Variants in H2BC18 observed in about 807,000 individuals in gnomAD.
H2BC18 encodes the protein histone H2B type 2-F.
In H2BC18, 8 loss-of-function variants were observed where a neutral mutation model predicts 6.3. The ratio of observed to expected loss-of-function variants is 1.28; its 90% CI spans 0.75 to 2.31. The LOEUF is 2.31. Among genes scored for constraint, H2BC18 ranks in the 30% most tolerant of loss-of-function variants. H2BC18 has a pLI of 0.00. For synonymous variants in H2BC18, 104 were observed against 78.1 expected (o/e 1.33, Z -1.75); for missense variants, 106 against 174.5 (o/e 0.61, Z 2.21).
intron 1 of H2BC18, chr1:149,803,898 G>A (rs1396739513): frequency 6.6e-6 from 1 of 152,196 alleles, no homozygotes; most frequent in Non-Finnish European, 1.5e-5. Context: ...AAAAAACCTT[G>A]TTTTCTTGTG....
chr1:149,804,265 G>A (rs1188772234), intron 1 of H2BC18, among the ~76,000 whole-genome samples: 1 of 151,982 alleles, frequency 6.6e-6, no homozygotes, highest in Non-Finnish European at 1.5e-5. Flanking sequence ...AGTATTAAAA[G>A]CATCATCTGA....
intron 1 of H2BC18, among the ~76,000 whole-genome samples, chr1:149,797,171 C>T (rs1352841045): frequency 1.3e-5 from 2 of 152,200 alleles, no homozygotes; most frequent in Non-Finnish European, 2.9e-5. Flanking sequence ...CCTCGCCCTC[C>T]CAAAGTGCTG....
downstream of H2BC18, among the ~76,000 whole-genome samples, chr1:149,807,724 A>G (rs1290305229): frequency 6.6e-6 from 1 of 151,836 alleles, no homozygotes; most frequent in Non-Finnish European, 1.5e-5. Context: ...GAATCGCTTG[A>G]ACCCGAGAGG....
chr1:149,793,026 GC>G (rs2091751131), intron 1 of H2BC18: 2 of 1,263,828 alleles, frequency 1.6e-6, no homozygotes, highest in Non-Finnish European at 2.0e-6. Flanking sequence ...CCCGCCCCGG[GC>G]CCGCCAGCTC....
At chr1:149,808,548 T>G (rs1347645396), downstream of H2BC18, among the ~76,000 whole-genome samples, 1 of 152,192 alleles carries the variant, frequency 6.6e-6, no homozygotes, top group African/African-American at 2.4e-5. Context: ...TGGATTAACA[T>G]AAAAAATTAT....
intron 1 of H2BC18, among the ~76,000 whole-genome samples, chr1:149,795,299 T>TA (rs1358458621): frequency 1.4e-5 from 2 of 146,598 alleles, no homozygotes; most frequent in East Asian, 1.9e-4. Context: ...AATAAATAAA[T>TA]GATTATTACC....
At chr1:149,796,992 A>C (rs1229301715) in intron 1 of H2BC18, among the ~76,000 whole-genome samples, 1 of 152,204 alleles carries the variant, frequency 6.6e-6, no homozygotes, top group Admixed American at 6.5e-5. Context: ...AGCTAACTGC[A>C]ACCTCCATCT....
At chr1:149,809,644 G>T (rs1427280037), downstream of H2BC18, among the ~76,000 whole-genome samples, 18 of 144,308 alleles carry the variant, frequency 1.2e-4, no homozygotes, top group Admixed American at 1.1e-3. Context: ...GCAGAAGACA[G>T]ACAAGAAAAT....
At chr1:149,800,525 G>A (rs1202812027) in intron 1 of H2BC18, among the ~76,000 whole-genome samples, 20 of 141,734 alleles carry the variant, frequency 1.4e-4, no homozygotes, top group African/African-American at 4.1e-4. Context: ...TAAACAAAAC[G>A]ACATCACACT....
chr1:149,810,176 G>C (rs2091957940), downstream of H2BC18, among the ~76,000 whole-genome samples: 1 of 152,100 alleles, frequency 6.6e-6, no homozygotes, highest in Non-Finnish European at 1.5e-5. Flanking sequence ...TAAGCTAGGA[G>C]GAAATTGGAT....
intron 1 of H2BC18, among the ~76,000 whole-genome samples, chr1:149,799,659 T>A (rs1363805760): frequency 6.6e-6 from 1 of 152,196 alleles, no homozygotes; most frequent in Non-Finnish European, 1.5e-5. Context: ...TTTTCAATTC[T>A]CCCCTCCTCT....
chr1:149,807,940 T>G (rs1316174761), downstream of H2BC18, among the ~76,000 whole-genome samples: 1 of 152,214 alleles, frequency 6.6e-6, no homozygotes, highest in African/African-American at 2.4e-5. Context: ...GAGTATGATG[T>G]GCATAAATTG....
chr1:149,790,974 G>A (rs1219172834), intron 1 of H2BC18, among the ~76,000 whole-genome samples: 30 of 151,502 alleles, frequency 2.0e-4, no homozygotes, highest in African/African-American at 7.3e-4. Context: ...AAATGGCACA[G>A]AGATATCAGT....
downstream of H2BC18, among the ~76,000 whole-genome samples, chr1:149,809,109 C>T (rs1349887187): frequency 1.3e-4 from 17 of 132,726 alleles, no homozygotes; most frequent in Non-Finnish European, 2.4e-4. Context: ...CTGACCCAGG[C>T]CAAGCCCATT....
intron 1 of H2BC18, chr1:149,788,024 A>G (rs2091598114): frequency 5.8e-6 from 2 of 346,072 alleles, no homozygotes; most frequent in Non-Finnish European, 1.1e-5. Flanking sequence ...GAAGCAAGTC[A>G]TAGGTTCCAC....
downstream of H2BC18, chr1:149,811,842 C>T (rs1485456433): frequency 1.8e-5 from 19 of 1,075,096 alleles, no homozygotes; most frequent in African/African-American, 1.6e-4. Context: ...AGCTATCAAA[C>T]GCTCTGACAA....
At chr1:149,800,587 A>G (rs1444312906) in intron 1 of H2BC18, among the ~76,000 whole-genome samples, 4 of 141,870 alleles carry the variant, frequency 2.8e-5, no homozygotes, top group African/African-American at 5.3e-5. Context: ...GGGGTTGAAG[A>G]CCAAATATAT....
At chr1:149,807,364 C>T (rs1203855007), downstream of H2BC18, among the ~76,000 whole-genome samples, 1 of 151,884 alleles carries the variant, frequency 6.6e-6, no homozygotes, top group Non-Finnish European at 1.5e-5. Context: ...ATGTGGCATG[C>T]ACCTGTAGTC....
chr1:149,797,844 C>T (rs2091817670), intron 1 of H2BC18, among the ~76,000 whole-genome samples: 1 of 152,062 alleles, frequency 6.6e-6, no homozygotes, highest in Non-Finnish European at 1.5e-5. Context: ...AATTGGGAGG[C>T]CAAGGCGATC....
Sources: gnomAD v4.1 joint callset for allele counts (sites outside exome capture counted in the v4.1 genomes callset) on GRCh38, gnomAD v4.1.1 for gene constraint, MANE v1.5 for transcripts, NCBI Gene and HGNC (gene_info 2026-07-23, HGNC 2026-07-21) for gene names.